Variants in PELI2 observed in about 807,000 individuals in gnomAD.
PELI2 encodes pellino E3 ubiquitin protein ligase family member 2, also known as E3 ubiquitin-protein ligase pellino homolog 2.
In PELI2, 23 loss-of-function variants were observed where a neutral mutation model predicts 42.3. That is an observed-to-expected ratio of 0.54 (90% confidence interval 0.39 to 0.77). The LOEUF (loss-of-function observed/expected upper bound fraction) is 0.77. Ranked by LOEUF, PELI2 falls within the 30% of genes least tolerant of loss-of-function variation. PELI2 has a pLI of 0.00. For missense variants in PELI2, 463 were observed against 553.2 expected, an observed-to-expected ratio of 0.84 and a Z score of 1.64; for synonymous variants, 245 against 212.2, an observed-to-expected ratio of 1.15 and a Z score of -1.34.
chr14:56,176,739 C>T (rs951993324), intron 1 of PELI2, among the ~76,000 whole-genome samples: 1 of 152,216 alleles, frequency 6.6e-6, no homozygotes, highest in Non-Finnish European at 1.5e-5. Flanking sequence ...GTCAAGTGCA[C>T]CTGCCATACA....
chr14:56,171,021 C>T (rs1235408274), intron 1 of PELI2, among the ~76,000 whole-genome samples: 7 of 152,294 alleles, frequency 4.6e-5, no homozygotes, highest in Middle Eastern at 3.4e-3. Flanking sequence ...GGCTGAAAAG[C>T]GTGCCAGCCC....
intron 1 of PELI2, among the ~76,000 whole-genome samples, chr14:56,123,290 A>T (rs1164564352): frequency 1.3e-5 from 2 of 152,184 alleles, no homozygotes; most frequent in Non-Finnish European, 2.9e-5. Flanking sequence ...GAAACCTTCA[A>T]ATATACCCTA....
At chr14:56,251,880 T>G (rs1888356620) in intron 2 of PELI2, among the ~76,000 whole-genome samples, 2 of 152,236 alleles carry the variant, frequency 1.3e-5, no homozygotes, top group African/African-American at 4.8e-5. Context: ...CAATTTGTAT[T>G]CATCTTGGAT....
intron 1 of PELI2, among the ~76,000 whole-genome samples, chr14:56,176,975 C>T (rs1885407809): frequency 2.0e-5 from 3 of 152,130 alleles, no homozygotes; most frequent in African/African-American, 4.8e-5. Context: ...CTCATGGATA[C>T]TTTATAGTAG....
At chr14:56,225,600 A>G (rs3783674) in intron 2 of PELI2, among the ~76,000 whole-genome samples, 60,153 of 152,150 alleles carry the variant, frequency 0.4, 12,859 homozygotes, top group South Asian at 0.53. Flanking sequence ...GGACACGCCA[A>G]GAGGGCTGCA....
At chr14:56,235,961 A>G (rs1210683608) in intron 2 of PELI2, among the ~76,000 whole-genome samples, 2 of 152,214 alleles carry the variant, frequency 1.3e-5, no homozygotes, top group Non-Finnish European at 2.9e-5. Flanking sequence ...TATCAAACTC[A>G]TAAAATAATT....
At chr14:56,222,997 A>G (rs565784972) in intron 2 of PELI2, among the ~76,000 whole-genome samples, 1 of 152,292 alleles carries the variant, frequency 6.6e-6, no homozygotes, top group South Asian at 2.1e-4. Flanking sequence ...AATCGAGGAC[A>G]TTATTTGAGA....
intron 2 of PELI2, among the ~76,000 whole-genome samples, chr14:56,182,405 A>C (rs1027269231): frequency 2.0e-5 from 3 of 152,164 alleles, no homozygotes; most frequent in African/African-American, 4.8e-5. Context: ...TAACCAGTAA[A>C]TAGTATGATG....
At chr14:56,191,666 G>A (rs886924001) in intron 2 of PELI2, among the ~76,000 whole-genome samples, 2 of 152,204 alleles carry the variant, frequency 1.3e-5, no homozygotes, top group Non-Finnish European at 2.9e-5. Context: ...TGTGAGATTA[G>A]ACAGAGGCAG....
At chr14:56,259,379 A>T (rs1462715767) in intron 2 of PELI2, among the ~76,000 whole-genome samples, 4 of 152,146 alleles carry the variant, frequency 2.6e-5, no homozygotes, top group African/African-American at 9.6e-5. Context: ...CCAAATTAAT[A>T]ATAATGTATG....
intron 2 of PELI2, among the ~76,000 whole-genome samples, chr14:56,221,210 A>C (rs183016983): frequency 1.0e-3 from 152 of 152,322 alleles, no homozygotes; most frequent in African/African-American, 3.5e-3. Flanking sequence ...GGAAGGGCCT[A>C]CCTAAGGAGG....
At chr14:56,153,207 A>T (rs920981557) in intron 1 of PELI2, among the ~76,000 whole-genome samples, 1 of 152,260 alleles carries the variant, frequency 6.6e-6, no homozygotes, top group African/African-American at 2.4e-5. Flanking sequence ...ATCTCTTCAC[A>T]AACTCATTTG....
chr14:56,138,122 C>T (rs17688725), intron 1 of PELI2, among the ~76,000 whole-genome samples: 18,944 of 152,242 alleles, frequency 0.12, 1,394 homozygotes, highest in Middle Eastern at 0.17. Context: ...ACCGGCTTGC[C>T]ACTGATGCCT....
intron 2 of PELI2, among the ~76,000 whole-genome samples, chr14:56,183,489 T>G (rs971342687): frequency 4.6e-5 from 7 of 152,164 alleles, no homozygotes; most frequent in African/African-American, 9.7e-5. Flanking sequence ...TTTAAAATAA[T>G]TTTCTGACAT....
chr14:56,136,159 A>G (rs1204973888), intron 1 of PELI2, among the ~76,000 whole-genome samples: 2 of 152,208 alleles, frequency 1.3e-5, no homozygotes, highest in Non-Finnish European at 2.9e-5. Context: ...GCTCTCTGTA[A>G]GGACAGATTG....
At chr14:56,250,196 G>A (rs1212974189) in intron 2 of PELI2, among the ~76,000 whole-genome samples, 2 of 152,168 alleles carry the variant, frequency 1.3e-5, no homozygotes, top group African/African-American at 2.4e-5. Context: ...TGCACTGACG[G>A]TTCCTACTGA....
chr14:56,188,923 G>A (rs917441647), intron 2 of PELI2, among the ~76,000 whole-genome samples: 2 of 152,138 alleles, frequency 1.3e-5, no homozygotes, highest in Non-Finnish European at 2.9e-5. Context: ...ACTTTAGAAG[G>A]CTGAGACAGG....
Position 56,118,527 on chromosome 14 carries a change from C to CCTTCGCCGCCGTGCCCT in PELI2, c.-133_-117dup. The CCTTCGCCGCCGTGCCCT allele has an allele frequency of 2.1e-6, 1 of 468,372 alleles. No homozygotes were observed. Among genetic ancestry groups the CCTTCGCCGCCGTGCCCT allele is most frequent in the Admixed American group, 4.7e-5 (1 of 21,184 alleles). The allele number at this position is 468,372 out of a possible 1,614,324, so 29.0% of individuals were successfully genotyped here. A position where few individuals can be genotyped will look rare whatever the true frequency, so the allele number is the denominator to read the frequency against. On this transcript the variant is annotated 5_prime_UTR_variant, in exon 1 of 6. Coordinates refer to ENST00000267460, the MANE Select transcript of PELI2 (RefSeq NM_021255.3). The stretch of plus-strand genomic sequence containing the variant: ...CAGCGGGACTGGCCGCCCCGCGCCC[C>CCTTCGCCGCCGTGCCCT]CTTCGCCGCCGTGCCCTTCCCCGGC...
At chr14:56,160,155 G>A (rs1033662368) in intron 1 of PELI2, among the ~76,000 whole-genome samples, 14 of 152,084 alleles carry the variant, frequency 9.2e-5, no homozygotes, top group African/African-American at 3.4e-4. Flanking sequence ...TGCTTGCCCA[G>A]GGATTAGTGT....
Sources: gnomAD v4.1 joint callset for allele counts (sites outside exome capture counted in the v4.1 genomes callset) on GRCh38, gnomAD v4.1.1 for gene constraint, MANE v1.5 for transcripts, NCBI Gene and HGNC (gene_info 2026-07-23, HGNC 2026-07-21) for gene names.